Variants in KCNK12 observed in about 807,000 individuals in gnomAD.
KCNK12 encodes the protein potassium two pore domain channel subfamily K member 12.
KCNK12 carries 6 observed loss-of-function variants against 25.3 expected under a neutral mutation model. That is an observed-to-expected ratio of 0.24 (90% confidence interval 0.13 to 0.47). KCNK12 has a LOEUF of 0.47. Ranked by LOEUF, KCNK12 falls within the 20% of genes least tolerant of loss-of-function variation. The probability of loss-of-function intolerance (pLI) is 0.99; values close to 1 mark genes in which losing one functional copy is unlikely to be tolerated. For synonymous variants in KCNK12, 331 were observed against 311.1 expected (o/e 1.06, Z -0.67); for missense variants, 444 against 661.7 (o/e 0.67, Z 3.61).
rs528627457 is a variant in KCNK12, at chr2:47,520,784, A to T, written c.*123T>A. On this transcript the variant is annotated 3_prime_UTR_variant, in exon 2 of 2. Transcript: ENST00000327876. The surrounding 1 kb of genome is among the most constrained non-coding windows in gnomAD (Gnocchi z 5.0). ...GGCCAAATAGTATTTCTTTAAAAAA[A>T]TTTTTTTTGTTTCATTTTATTGGAT... 2.3e-4 allele frequency: 164 copies of T among 726,316 alleles called. No individual in the cohort carries two copies. The East Asian group carries it at 2.7e-3, about 12-fold the overall frequency. The allele number at this position is 726,316 out of a possible 1,614,324, so 45.0% of individuals were successfully genotyped here.
At position 47,526,020 on chromosome 2, in the gene KCNK12, T is replaced by G. The variant is rs141442245; in HGVS notation, c.392-4212A>C. On this transcript the variant is annotated intron_variant, in intron 1 of 1. Coordinates refer to ENST00000327876, the MANE Select transcript of KCNK12 (RefSeq NM_022055.2). ...AGGGGGAGGCTAAATAAGCTCTGAT[T>G]AGAAGTGAATTTGAAGATTTGATTA... 4.1e-3 allele frequency among the ~76,000 whole-genome samples: 617 copies of G among 152,228 alleles called. 3 individuals are homozygous for G. Among genetic ancestry groups the G allele is most frequent in the African/African-American group, 0.012 (518 of 41,536 alleles).
At chr2:47,534,515 A>C (rs1203572151) in intron 1 of KCNK12, among the ~76,000 whole-genome samples, 2,348 of 48,012 alleles carry the variant, frequency 0.049, 1 homozygote, top group Admixed American at 0.065. Context: ...GCCCCTTCTA[A>C]CCCCCCCCCC....
intron 1 of KCNK12, among the ~76,000 whole-genome samples, chr2:47,552,675 C>T (rs1304618690): frequency 1.3e-5 from 2 of 151,854 alleles, no homozygotes; most frequent in Non-Finnish European, 2.9e-5. Context: ...GGCTGAGGCA[C>T]AAGAACCACT....
rs1410955543 is a variant in KCNK12 at position 47,570,325 on chromosome 2, A to G, written c.7T>C (p.Ser3Pro). Residue 3 changes from serine (S) to proline (P), a missense_variant, in exon 1 of 2, where the codon TCC becomes CCC. Ser to Pro is a moderately conservative substitution (Grantham distance 74). Transcript: ENST00000327876. ...CGGGGCGGGGGCCGGGGGCTGCGGG[A>G]GGACATGGTCCGGAGCTCAGCCCCG... MSSRSPRPPPRRS... is the reference protein window; with the variant it reads MSPRSPRPPPRRS... 7.6e-7 allele frequency: 1 copy of G among 1,324,490 alleles called. No individual in the cohort carries two copies. Among genetic ancestry groups the G allele is most frequent in the Non-Finnish European group, 9.6e-7 (1 of 1,040,982 alleles). The allele number at this position is 1,324,490 out of a possible 1,614,324, so 82.0% of individuals were successfully genotyped here.
chr2:47,521,364 C>G lies in KCNK12; in HGVS notation c.836G>C (p.Gly279Ala). The G allele has an allele frequency of 6.2e-7, 1 of 1,613,534 alleles. No homozygotes were observed. The highest frequency in any genetic ancestry group is 8.5e-7 in the Non-Finnish European group (1 of 1,179,792). ...AYRNQGLYRL[G>A]NFLFILLGVC... is the part of the protein sequence containing the mutation. The stretch of plus-strand genomic sequence containing the variant: ...GCCGAGCAGGATGAAGAGGAAGTTG[C>G]CCAGGCGGTAGAGCCCCTGGTTCCG... The change falls in exon 2 of 2, where the codon GGC becomes GCC. Residue 279 changes from glycine (G) to alanine (A), a missense_variant. Around this residue, in one of 8 missense-constraint regions of KCNK12, gnomAD observed 56 missense variants for 135.7 expected, o/e 0.41. Coordinates refer to ENST00000327876, the MANE Select transcript of KCNK12 (RefSeq NM_022055.2).
In KCNK12 at chr2:47,515,642, G is replaced by C. The variant is rs1668507537; in HGVS notation, c.*5265C>G. On this transcript the variant is annotated 3_prime_UTR_variant, in exon 2 of 2. Transcript: ENST00000327876. ...ACAGGGTGGGGAGCCCAGGGGAGTG[G>C]GGAGTGATCGTATAGACAGAGGTGG... is the stretch of plus-strand genomic sequence containing the variant. 6.6e-6 allele frequency among the ~76,000 whole-genome samples: 1 copy of C among 152,184 alleles called. No homozygotes were observed. The highest frequency in any genetic ancestry group is 2.1e-4 in the South Asian group (1 of 4,820).
chr2:47,510,970 T>C lies in KCNK12; in HGVS notation c.*9937A>G, dbSNP rs1668389303. ...CCTGGTGGTATGACTGTGATATCCC[T>C]GCTTCTATAGTTGGCAACCAACATG... On this transcript the variant is annotated 3_prime_UTR_variant, in exon 2 of 2. Transcript: ENST00000327876. The C allele has an allele frequency of 6.6e-6, 1 of 152,226 alleles. No homozygotes were observed. The highest frequency in any genetic ancestry group is 1.5e-5 in the Non-Finnish European group (1 of 68,064). 9.4% of individuals were successfully genotyped at this position (152,226 alleles called of 1,614,324 possible). A position where few individuals can be genotyped will look rare whatever the true frequency, so the allele number is the denominator to read the frequency against.
chr2:47,541,407 T>C (rs1454794157), intron 1 of KCNK12, among the ~76,000 whole-genome samples: 1 of 152,106 alleles, frequency 6.6e-6, no homozygotes, highest in Admixed American at 6.5e-5. Flanking sequence ...CCACACCAAA[T>C]ATATGAAATA....
chr2:47,543,468 G>C (rs1669246118), intron 1 of KCNK12: 2 of 152,144 alleles, frequency 1.3e-5, no homozygotes, highest in Non-Finnish European at 2.9e-5. Context: ...TTGTGAATAA[G>C]TCATAGAGGT....
intron 1 of KCNK12, among the ~76,000 whole-genome samples, 169 bp from the exon 2 acceptor site, chr2:47,521,977 T>C (rs1258936412): frequency 6.6e-6 from 1 of 152,218 alleles, no homozygotes; most frequent in Non-Finnish European, 1.5e-5. Flanking sequence ...TCTCCCTTGG[T>C]GGCACTTAAT....
Position 47,538,744 on chromosome 2 carries a change from C to A in KCNK12, c.392-16936G>T, listed in dbSNP as rs1669131050. Among the ~76,000 whole-genome samples, 1 of 152,192 alleles carries A rather than the reference C, an allele frequency of 6.6e-6. No homozygotes were observed. The highest frequency in any genetic ancestry group is 2.4e-5 in the African/African-American group (1 of 41,444). On this transcript the variant is annotated intron_variant, in intron 1 of 1. Coordinates refer to ENST00000327876, the MANE Select transcript of KCNK12 (RefSeq NM_022055.2). This position sits in a 1 kb window ranked among gnomAD's most constrained non-coding sequence, Gnocchi z 4.5. Reference sequence around the variant, plus strand: ...CTAGACTGCACCACTGCACTCTAGCCTGGGTGACAGAGAAAACAATGGACA... The same window carrying A: ...CTAGACTGCACCACTGCACTCTAGCATGGGTGACAGAGAAAACAATGGACA...
rs886958866 is a variant in KCNK12 at position 47,516,343 on chromosome 2, G to C, written c.*4564C>G. 6.6e-6 allele frequency among the ~76,000 whole-genome samples: 1 copy of C among 152,188 alleles called. No homozygotes were observed. Among genetic ancestry groups the C allele is most frequent in the Non-Finnish European group, 1.5e-5 (1 of 68,044 alleles). ...ATTTGGAGAGCCTCGGGCACAGCCA[G>C]GTTGGATCCATCTCCCAGTCCCCCA... On this transcript the variant is annotated 3_prime_UTR_variant, in exon 2 of 2. Transcript: ENST00000327876.
Position 47,514,445 on chromosome 2 carries a change from AACTAGACGAGTT to A in KCNK12, c.*6450_*6461del, listed in dbSNP as rs1668477098. On this transcript the variant is annotated 3_prime_UTR_variant, in exon 2 of 2. Transcript: ENST00000327876. This position sits in a 1 kb window ranked among gnomAD's most constrained non-coding sequence, Gnocchi z 5.0. Reference sequence around the variant, plus strand: ...CTAACACAGGGGATGCCTGACCCCAAACTAGACGAGTTACTTGACCTCTCTGACCCAAGACAA... The same window carrying A: ...CTAACACAGGGGATGCCTGACCCCAAACTTGACCTCTCTGACCCAAGACAA... Among the ~76,000 whole-genome samples the A allele has an allele frequency of 6.6e-6, 1 of 152,178 alleles. No homozygotes were observed. The highest frequency in any genetic ancestry group is 1.5e-5 in the Non-Finnish European group (1 of 68,026).
rs1380654039 is a variant in KCNK12, at chr2:47,529,949, C to T, written c.392-8141G>A. ...TGAAATTCAAATTTCACTGGGCATGCTGTCTTTTTATTTCCTAAACCTGGC... is the reference window on the plus strand; with the variant it reads ...TGAAATTCAAATTTCACTGGGCATGTTGTCTTTTTATTTCCTAAACCTGGC... On this transcript the variant is annotated intron_variant, in intron 1 of 1. Coordinates refer to ENST00000327876, the MANE Select transcript of KCNK12 (RefSeq NM_022055.2). This position sits in a 1 kb window ranked among gnomAD's most constrained non-coding sequence, Gnocchi z 4.3. Among the ~76,000 whole-genome samples, 2 of 152,168 alleles carry T rather than the reference C, an allele frequency of 1.3e-5. No individual in the cohort carries two copies. Among genetic ancestry groups the T allele is most frequent in the African/African-American group, 4.8e-5 (2 of 41,434 alleles).
At chr2:47,534,723 G>C (rs552970282) in intron 1 of KCNK12, 1 of 175,426 alleles carries the variant, frequency 5.7e-6, no homozygotes, top group South Asian at 2.0e-4. Context: ...GCGCTCATGT[G>C]GGGCTTGTGT....
At position 47,533,883 on chromosome 2, in the gene KCNK12, C is replaced by A. The variant is rs1668992057; in HGVS notation, c.392-12075G>T. On this transcript the variant is annotated intron_variant, in intron 1 of 1. Coordinates refer to ENST00000327876, the MANE Select transcript of KCNK12 (RefSeq NM_022055.2). The surrounding 1 kb of genome is among the most constrained non-coding windows in gnomAD (Gnocchi z 4.7). Reference sequence around the variant, plus strand: ...GAAGCCAGGCGTGGGGTGGGAGCATCCAGTGCACCCCTCTTGCATTGGGTG... The same window carrying A: ...GAAGCCAGGCGTGGGGTGGGAGCATACAGTGCACCCCTCTTGCATTGGGTG... Among the ~76,000 whole-genome samples, 1 of 152,058 alleles carries A rather than the reference C, an allele frequency of 6.6e-6. No homozygotes were observed. The highest frequency in any genetic ancestry group is 2.1e-4 in the South Asian group (1 of 4,816).
In KCNK12 at chr2:47,566,422, A is replaced by G. The variant is rs574479085; in HGVS notation, c.391+3519T>C. The G allele has an allele frequency of 6.6e-6, 1 of 151,608 alleles. No individual in the cohort carries two copies. The highest frequency in any genetic ancestry group is 2.4e-5 in the African/African-American group (1 of 41,324). The allele number at this position is 151,608 out of a possible 1,614,324, so 9.4% of individuals were successfully genotyped here. On this transcript the variant is annotated intron_variant, in intron 1 of 1. Transcript: ENST00000327876. The surrounding 1 kb of genome is among the most constrained non-coding windows in gnomAD (Gnocchi z 4.1). ...CAAGAGTGTGTGTGTGCACGTGTGT[A>G]CACACACACGTGCACACACACATAC...
At position 47,570,764 on chromosome 2, in the gene KCNK12, G is replaced by C. The variant is rs1310645961; in HGVS notation, c.-433C>G. On this transcript the variant is annotated 5_prime_UTR_variant, in exon 1 of 2. Transcript: ENST00000327876. ...CCGTGGATCCCGGGCGCCTAGGACC[G>C]GGACGCGGCAGCAAGGCGTGGAGAG... 4 of 152,690 alleles carry C rather than the reference G, an allele frequency of 2.6e-5. No homozygotes were observed. Among genetic ancestry groups the C allele is most frequent in the African/African-American group, 9.6e-5 (4 of 41,464 alleles). 9.5% of individuals were successfully genotyped at this position (152,690 alleles called of 1,614,324 possible). A position where few individuals can be genotyped will look rare whatever the true frequency, so the allele number is the denominator to read the frequency against.
Position 47,528,681 on chromosome 2 carries a change from C to G in KCNK12, c.392-6873G>C, listed in dbSNP as rs574383291. On this transcript the variant is annotated intron_variant, in intron 1 of 1. Transcript: ENST00000327876. The surrounding 1 kb of genome is among the most constrained non-coding windows in gnomAD (Gnocchi z 4.5). ...TTTGTTTATGCCACAATTGATCTGC[C>G]ATCCCAGTTTGCAAAGAGCAGACAC... Among the ~76,000 whole-genome samples the G allele has an allele frequency of 2.8e-4, 43 of 152,350 alleles. No individual in the cohort carries two copies. Among genetic ancestry groups the G allele is most frequent in the African/African-American group, 1.0e-3 (42 of 41,576 alleles).
Sources: allele counts gnomAD v4.1 joint callset (sites outside exome capture counted in the v4.1 genomes callset), GRCh38; gene constraint gnomAD v4.1.1; regional missense constraint gnomAD v4.1.1; non-coding constraint Gnocchi (gnomAD v3.1); transcripts MANE v1.5; gene names NCBI Gene and HGNC (gene_info 2026-07-23, HGNC 2026-07-21).